SYNJ1: variants seen among roughly 807,000 people sequenced by gnomAD.
The protein encoded by SYNJ1 is polyphosphatidylinositol phosphatase SYNJ1.
A neutral mutation model predicts 168.2 loss-of-function variants in SYNJ1; 78 were observed. That is an observed-to-expected ratio of 0.46 (90% CI 0.39 to 0.56). The LOEUF (loss-of-function observed/expected upper bound fraction) is 0.56, where lower values mean the gene tolerates loss of function less well. Among genes scored for constraint, SYNJ1 ranks in the 20% least tolerant of loss-of-function variants. SYNJ1 has a pLI of 0.00. For synonymous variants in SYNJ1, 539 were observed against 548.6 expected, an observed-to-expected ratio of 0.98 and a Z score of 0.24; for missense variants, 1,303 against 1,597.6, an observed-to-expected ratio of 0.82 and a Z score of 3.14.
At position 32,673,376 on chromosome 21, in the gene SYNJ1, C is replaced by G; in HGVS notation, c.1690G>C (p.Asp564His). The G allele has an allele frequency of 6.2e-7, 1 of 1,612,120 alleles. No individual in the cohort carries two copies. Among genetic ancestry groups the G allele is most frequent in the Non-Finnish European group, 8.5e-7 (1 of 1,179,236 alleles). Residue 564 changes from aspartate (D) to histidine (H), a missense_variant, in exon 14 of 33, where the codon GAT becomes CAT. This residue lies in a region of SYNJ1 where 920 missense variants were observed against 1,208.8 expected (regional missense o/e 0.76). Transcript: ENST00000674351. ...TGGATGCCAGCTAACTTGGGTGCAT[C>G]AAGAAGCCAGTCAGTGAGTGTCTGA... ...KNQTLTDWLL[D>H]APKLAGIQEF...
chr21:32,681,627 C>T lies in SYNJ1; in HGVS notation c.1222G>A (p.Ala408Thr). The T allele has an allele frequency of 6.2e-7, 1 of 1,613,288 alleles. No individual in the cohort carries two copies. Among genetic ancestry groups the T allele is most frequent in the South Asian group, 1.1e-5 (1 of 90,890 alleles). The change falls in exon 11 of 33, where the codon GCT becomes ACT. Residue 408 changes from alanine to threonine, a missense_variant. By Grantham distance (58) the Ala-to-Thr change is moderately conservative. Transcript: ENST00000674351. The part of the protein sequence containing the change: ...GLEMLAKQLE[A>T]LGLAEKPQLV... Reference sequence around the variant, plus strand: ...TGAGGCTTTTCAGCTAAACCAAGAGCTTCCAACTGTTTAGCTAGCATCTTA... The same window carrying T: ...TGAGGCTTTTCAGCTAAACCAAGAGTTTCCAACTGTTTAGCTAGCATCTTA...
At chr21:32,680,139 G>A (rs1393086167) in intron 11 of SYNJ1, among the ~76,000 whole-genome samples, 2 of 151,922 alleles carry the variant, frequency 1.3e-5, no homozygotes, top group Non-Finnish European at 2.9e-5. Context: ...ACAAAAATAG[G>A]GACCACTTAA....
chr21:32,725,766 C>T (rs1419208094), intron 2 of SYNJ1, among the ~76,000 whole-genome samples: 1 of 152,126 alleles, frequency 6.6e-6, no homozygotes, highest in Non-Finnish European at 1.5e-5. Flanking sequence ...AAGATATAAT[C>T]AGTAACTAAA....
chr21:32,719,633 G>C (rs946408529), intron 2 of SYNJ1, among the ~76,000 whole-genome samples: 2 of 151,482 alleles, frequency 1.3e-5, no homozygotes, highest in African/African-American at 4.9e-5. Context: ...AGAATTGCTT[G>C]AACCCGTAGG....
At chr21:32,674,566 A>G (rs2041329188) in intron 13 of SYNJ1, among the ~76,000 whole-genome samples, 1 of 152,014 alleles carries the variant, frequency 6.6e-6, no homozygotes, top group African/African-American at 2.4e-5. Context: ...TAAGTGCTCA[A>G]TAAATAATTG....
At chr21:32,676,471 C>A (rs969774624) in intron 12 of SYNJ1, 116 bp from the exon 13 acceptor site, 1 of 928,292 alleles carries the variant, frequency 1.1e-6, no homozygotes, top group East Asian at 2.7e-5. Flanking sequence ...AATTTGATGA[C>A]TTTATTTTTT....
chr21:32,654,350 T>C (rs1310654350), intron 21 of SYNJ1, among the ~76,000 whole-genome samples: 2 of 152,208 alleles, frequency 1.3e-5, no homozygotes, highest in Non-Finnish European at 2.9e-5. Context: ...CCCACAGATA[T>C]GACCAAGGCA....
At chr21:32,641,665 T>C (rs778081628) in intron 29 of SYNJ1, among the ~76,000 whole-genome samples, 1 of 152,244 alleles carries the variant, frequency 6.6e-6, no homozygotes, top group Non-Finnish European at 1.5e-5. Context: ...TTAGTGACCA[T>C]AATTGTTTTA....
chr21:32,646,652 G>C lies in SYNJ1; in HGVS notation c.3038-50C>G, dbSNP rs367737290. On this transcript the variant is annotated intron_variant, in intron 23 of 32. Transcript: ENST00000674351. ...AGATAACTCCATTTTAACTTGCTCA[G>C]AGATTTTTTTCACCTTAGGTTTTAA... The C allele has an allele frequency of 2.0e-6, 3 of 1,472,504 alleles. No homozygotes were observed. In the African/African-American group the frequency reaches 4.2e-5, roughly 20 times the overall value. 91.2% of individuals were successfully genotyped at this position (1,472,504 alleles called of 1,614,324 possible).
At chr21:32,679,093 A>T (rs548992473) in intron 11 of SYNJ1, among the ~76,000 whole-genome samples, 1 of 152,322 alleles carries the variant, frequency 6.6e-6, no homozygotes, top group South Asian at 2.1e-4. Flanking sequence ...CTTATTACAA[A>T]GGAAATAAAC....
At chr21:32,680,635 A>G (rs2041586002) in intron 11 of SYNJ1, among the ~76,000 whole-genome samples, 1 of 151,634 alleles carries the variant, frequency 6.6e-6, no homozygotes, top group African/African-American at 2.4e-5. Flanking sequence ...TTTTTGGAAC[A>G]GAGTCTCACT....
intron 31 of SYNJ1, among the ~76,000 whole-genome samples, chr21:32,636,705 T>C (rs2039581417): frequency 1.3e-5 from 2 of 152,062 alleles, no homozygotes; most frequent in Non-Finnish European, 2.9e-5. Context: ...ACCTGCCTCC[T>C]GGCCCCCAGC....
At chr21:32,710,102 C>T (rs1405071062) in intron 2 of SYNJ1, among the ~76,000 whole-genome samples, 1 of 151,904 alleles carries the variant, frequency 6.6e-6, no homozygotes, top group Non-Finnish European at 1.5e-5. Context: ...ACTTGGAAGG[C>T]TAAGGCATAA....
chr21:32,693,982 T>C (rs2146163635), intron 6 of SYNJ1, among the ~76,000 whole-genome samples: 1 of 152,238 alleles, frequency 6.6e-6, no homozygotes, highest in East Asian at 1.9e-4. Context: ...TATAAAGACT[T>C]CAAAATTTTT....
intron 11 of SYNJ1, among the ~76,000 whole-genome samples, chr21:32,680,441 G>A (rs577500023): frequency 6.6e-6 from 1 of 152,202 alleles, no homozygotes; most frequent in East Asian, 1.9e-4. Context: ...ATTCAAGTGA[G>A]GCCAGGATCC....
intron 21 of SYNJ1, among the ~76,000 whole-genome samples, chr21:32,655,271 C>T (rs2040414808): frequency 6.6e-6 from 1 of 152,218 alleles, no homozygotes; most frequent in African/African-American, 2.4e-5. Context: ...CTGCTGCCCA[C>T]TCACACAGTC....
At chr21:32,695,403 TC>T (rs2042166340) in intron 4 of SYNJ1, 121 bp from the exon 5 acceptor site, 1 of 940,096 alleles carries the variant, frequency 1.1e-6, no homozygotes, top group Non-Finnish European at 1.5e-6. Flanking sequence ...AAACAACAAA[TC>T]AATTCATTTA....
intron 18 of SYNJ1, among the ~76,000 whole-genome samples, chr21:32,661,569 G>C (rs1165398675): frequency 1.3e-5 from 2 of 152,068 alleles, no homozygotes; most frequent in African/African-American, 4.8e-5. Context: ...TGGCTGACTT[G>C]GTACAGAAGA....
chr21:32,705,320 C>T (rs1001390138), intron 2 of SYNJ1, among the ~76,000 whole-genome samples: 2 of 152,234 alleles, frequency 1.3e-5, no homozygotes, highest in African/African-American at 2.4e-5. Flanking sequence ...GACAGCAATG[C>T]GCATACCTAG....
Sources: gnomAD v4.1 joint callset for allele counts (sites outside exome capture counted in the v4.1 genomes callset) on GRCh38, gnomAD v4.1.1 for gene constraint, gnomAD v4.1.1 regional missense constraint, MANE v1.5 for transcripts, NCBI Gene and HGNC (gene_info 2026-07-23, HGNC 2026-07-21) for gene names.